The following GALNT13 variants were observed in gnomAD, a reference collection of about 807,000 sequenced individuals.
GALNT13 encodes the protein polypeptide N-acetylgalactosaminyltransferase 13.
GALNT13 carries 28 observed loss-of-function variants against 64.2 expected under a neutral mutation model. The observed-to-expected ratio is 0.44, with a 90% CI of 0.32 to 0.60. The LOEUF (loss-of-function observed/expected upper bound fraction) is 0.60, where lower values mean the gene tolerates loss of function less well. GALNT13 is among the 20% of genes least tolerant of loss of function. The pLI is 0.05. For synonymous variants in GALNT13, 214 were observed against 224.6 expected (o/e 0.95, Z 0.42); for missense variants, 577 against 669.8 (o/e 0.86, Z 1.53).
the GALNT13 span, among the ~76,000 whole-genome samples, chr2:153,345,709 C>CTTTCTTTCTT: frequency 8.6e-6 from 1 of 115,672 alleles, no homozygotes; most frequent in Non-Finnish European, 1.8e-5. Context: ...CTTTCTCTTT[C>CTTTCTTTCTT]TCTCTTTCTG....
chr2:153,242,160 A>G, the GALNT13 span, among the ~76,000 whole-genome samples: 1 of 152,160 alleles, frequency 6.6e-6, no homozygotes, highest in Non-Finnish European at 1.5e-5. Flanking sequence ...AAACTGCTCA[A>G]TGCTGTGTAG....
intron 3 of GALNT13, among the ~76,000 whole-genome samples, chr2:153,960,757 C>T (rs1328033134): frequency 6.6e-6 from 1 of 152,142 alleles, no homozygotes; most frequent in African/African-American, 2.4e-5. Flanking sequence ...CGAGGCCTGC[C>T]TCTGTAGTTG....
At chr2:153,710,693 C>G in the GALNT13 span, among the ~76,000 whole-genome samples, 1 of 152,052 alleles carries the variant, frequency 6.6e-6, no homozygotes, top group Non-Finnish European at 1.5e-5. Context: ...TCCAACAATC[C>G]TTGCTTGTTT....
the GALNT13 span, among the ~76,000 whole-genome samples, chr2:153,758,074 T>C: frequency 6.6e-6 from 1 of 152,168 alleles, no homozygotes; most frequent in Non-Finnish European, 1.5e-5. Flanking sequence ...GTTGTATAGT[T>C]TTCCCCTGTT....
At chr2:154,069,137 A>C (rs1256475288) in intron 3 of GALNT13, among the ~76,000 whole-genome samples, 1 of 152,078 alleles carries the variant, frequency 6.6e-6, no homozygotes, top group African/African-American at 2.4e-5. Context: ...TCTATACTGG[A>C]TAAAAATATT....
chr2:154,061,865 A>C (rs1449371559), intron 3 of GALNT13, among the ~76,000 whole-genome samples: 2 of 152,112 alleles, frequency 1.3e-5, no homozygotes, highest in Non-Finnish European at 2.9e-5. Context: ...TTTTTCTAAC[A>C]TTATTTATAT....
the GALNT13 span, among the ~76,000 whole-genome samples, chr2:153,654,358 T>C: frequency 1.2e-4 from 19 of 152,096 alleles, no homozygotes; most frequent in Admixed American, 1.2e-3. Context: ...AATTGTATCA[T>C]GGCAAAAGTA....
At chr2:154,047,327 A>G (rs1699341866) in intron 3 of GALNT13, among the ~76,000 whole-genome samples, 1 of 152,164 alleles carries the variant, frequency 6.6e-6, no homozygotes. Flanking sequence ...AAAGAGACTG[A>G]TCATTAGGGG....
chr2:153,482,860 A>C, the GALNT13 span, among the ~76,000 whole-genome samples: 1 of 151,670 alleles, frequency 6.6e-6, no homozygotes. Context: ...GGATTGATCT[A>C]TTCTATGGAA....
At chr2:153,075,944 T>C in the GALNT13 span, among the ~76,000 whole-genome samples, 3 of 152,194 alleles carry the variant, frequency 2.0e-5, no homozygotes, top group Non-Finnish European at 2.9e-5. Flanking sequence ...AGAAAAGATA[T>C]ATTTCTTATT....
chr2:153,438,420 T>G, the GALNT13 span, among the ~76,000 whole-genome samples: 1 of 152,186 alleles, frequency 6.6e-6, no homozygotes, highest in Admixed American at 6.5e-5. Context: ...CTGCAGAGTG[T>G]TTTCCAACTT....
chr2:154,320,595 G>A (rs1296855419), intron 9 of GALNT13, among the ~76,000 whole-genome samples: 1 of 152,118 alleles, frequency 6.6e-6, no homozygotes, highest in African/African-American at 2.4e-5. Flanking sequence ...TCCAATGCAT[G>A]ATGTACATGA....
intron 10 of GALNT13, among the ~76,000 whole-genome samples, chr2:154,398,738 T>C (rs1699167392): frequency 1.3e-5 from 2 of 152,316 alleles, no homozygotes; most frequent in African/African-American, 4.8e-5. Flanking sequence ...AGAATAAAGA[T>C]AATAATACTG....
the GALNT13 span, among the ~76,000 whole-genome samples, chr2:153,244,904 A>G: frequency 6.6e-6 from 1 of 152,232 alleles, no homozygotes; most frequent in Non-Finnish European, 1.5e-5. Flanking sequence ...TGCCAGCAGA[A>G]GTCTGGAGTC....
intron 3 of GALNT13, among the ~76,000 whole-genome samples, chr2:153,952,994 T>C (rs1367264408): frequency 6.6e-6 from 1 of 152,140 alleles, no homozygotes; most frequent in Non-Finnish European, 1.5e-5. Flanking sequence ...CTAACCATGC[T>C]GGCAGCGGAT....
At chr2:153,535,646 T>A in the GALNT13 span, among the ~76,000 whole-genome samples, 3 of 152,250 alleles carry the variant, frequency 2.0e-5, no homozygotes, top group Admixed American at 2.0e-4. Flanking sequence ...AGGACAGGTC[T>A]GACTTCTGAG....
chr2:153,440,703 G>A, the GALNT13 span, among the ~76,000 whole-genome samples: 1 of 152,152 alleles, frequency 6.6e-6, no homozygotes, highest in Non-Finnish European at 1.5e-5. Context: ...AATGACCAGT[G>A]ATGATATGCT....
the GALNT13 span, among the ~76,000 whole-genome samples, chr2:153,675,972 A>G: frequency 6.6e-6 from 1 of 152,154 alleles, no homozygotes; most frequent in Non-Finnish European, 1.5e-5. Context: ...AAACAGGAGC[A>G]AATCAGCCCC....
chr2:153,888,237 T>C (rs1348634820), intron 1 of GALNT13, among the ~76,000 whole-genome samples: 2 of 151,994 alleles, frequency 1.3e-5, no homozygotes, highest in Non-Finnish European at 2.9e-5. Context: ...TATTTCCAAA[T>C]CATTTGCAGA....
Sources: gnomAD v4.1 joint callset for allele counts (sites outside exome capture counted in the v4.1 genomes callset) on GRCh38, gnomAD v4.1.1 for gene constraint, MANE v1.5 for transcripts, NCBI Gene and HGNC (gene_info 2026-07-23, HGNC 2026-07-21) for gene names.